ERBB4: variants seen among roughly 807,000 people sequenced by gnomAD.
ERBB4 encodes receptor tyrosine-protein kinase erbB-4.
A neutral mutation model predicts 158.0 loss-of-function variants in ERBB4; 42 were observed. The ratio of observed to expected loss-of-function variants is 0.27; its 90% CI spans 0.21 to 0.34. ERBB4 has a LOEUF of 0.34. Among genes scored for constraint, ERBB4 ranks in the 10% least tolerant of loss-of-function variants. The pLI is 1.00. For missense variants in ERBB4, 1,333 were observed against 1,624.1 expected, an observed-to-expected ratio of 0.82 and a Z score of 3.08; for synonymous variants, 583 against 558.7, an observed-to-expected ratio of 1.04 and a Z score of -0.61.
intron 1 of ERBB4, among the ~76,000 whole-genome samples, chr2:212,226,927 T>A (rs554612525): frequency 5.9e-5 from 9 of 152,066 alleles, no homozygotes; most frequent in African/African-American, 2.2e-4. Flanking sequence ...AGTTCCCACA[T>A]GGAAATGGAG....
intron 4 of ERBB4, among the ~76,000 whole-genome samples, chr2:211,753,854 AT>A (rs1047804300): frequency 0.043 from 5,268 of 121,164 alleles, 100 homozygotes; most frequent in African/African-American, 0.11. Flanking sequence ...AAAAGTCCTG[AT>A]TTTTTTTTTT....
chr2:212,150,776 T>C (rs1477341012), intron 1 of ERBB4, among the ~76,000 whole-genome samples: 2 of 152,196 alleles, frequency 1.3e-5, no homozygotes, highest in Admixed American at 6.5e-5. Context: ...TCATGCCTAA[T>C]TATCATGCAG....
chr2:211,960,985 G>T (rs2081166059), intron 2 of ERBB4, among the ~76,000 whole-genome samples: 1 of 151,964 alleles, frequency 6.6e-6, no homozygotes, highest in African/African-American at 2.4e-5. Context: ...ATAATAATAG[G>T]TGAAACTGAG....
intron 1 of ERBB4, among the ~76,000 whole-genome samples, chr2:212,436,207 A>G (rs908509302): frequency 3.9e-5 from 6 of 151,962 alleles, no homozygotes; most frequent in Admixed American, 2.6e-4. Flanking sequence ...TAAATAAAAA[A>G]CCTCAGAAAA....
At chr2:212,331,507 CAT>C (rs1048747678) in intron 1 of ERBB4, among the ~76,000 whole-genome samples, 3 of 151,840 alleles carry the variant, frequency 2.0e-5, no homozygotes, top group African/African-American at 4.8e-5. Context: ...GTTTTTATAT[CAT>C]AAAACTAGAA....
intron 1 of ERBB4, among the ~76,000 whole-genome samples, chr2:212,521,773 T>G (rs73989034): frequency 0.024 from 3,639 of 152,060 alleles, 151 homozygotes; most frequent in African/African-American, 0.083. Context: ...ACTCACATGG[T>G]GGACTCAAAC....
chr2:211,545,583 GT>G, intron 20 of ERBB4, among the ~76,000 whole-genome samples: 1 of 152,086 alleles, frequency 6.6e-6, no homozygotes, highest in African/African-American at 2.4e-5. Flanking sequence ...GCTCAACTCA[GT>G]CTGGCATTTA....
chr2:212,445,103 G>A (rs547989242), intron 1 of ERBB4, among the ~76,000 whole-genome samples: 1 of 152,042 alleles, frequency 6.6e-6, no homozygotes, highest in African/African-American at 2.4e-5. Context: ...GTCTTACCAT[G>A]TTCCCCAGCA....
intron 1 of ERBB4, among the ~76,000 whole-genome samples, chr2:212,395,614 C>CTTTTTTTTT (rs760604732): frequency 1.2e-5 from 1 of 84,734 alleles, no homozygotes; most frequent in African/African-American, 5.1e-5. Context: ...CAGTTACACT[C>CTTTTTTTTT]TTTTTTTTTT....
chr2:211,383,486 C>T lies in ERBB4; in HGVS notation c.*129G>A. On this transcript the variant is annotated 3_prime_UTR_variant, in exon 28 of 28. Coordinates refer to ENST00000342788, the MANE Select transcript of ERBB4 (RefSeq NM_005235.3). ...GGTAAGCACATAACTATCATTGCAT[C>T]TCTGTATCTTCCACTGGGAAGTGTC... 2.7e-6 allele frequency: 2 copies of T among 738,034 alleles called. No individual in the cohort carries two copies. Among genetic ancestry groups the T allele is most frequent in the East Asian group, 5.2e-5 (2 of 38,274 alleles). 45.7% of individuals were successfully genotyped at this position (738,034 alleles called of 1,614,324 possible). A position where few individuals can be genotyped will look rare whatever the true frequency, so the allele number is the denominator to read the frequency against.
chr2:212,190,550 A>AAAG (rs1553587259), intron 1 of ERBB4, among the ~76,000 whole-genome samples: 2,352 of 146,872 alleles, frequency 0.016, 50 homozygotes, highest in African/African-American at 0.032. Flanking sequence ...AAAAAAAAAA[A>AAAG]AAGAAGAAGA....
intron 12 of ERBB4, among the ~76,000 whole-genome samples, chr2:211,692,168 A>G (rs2072847556): frequency 6.6e-6 from 1 of 152,210 alleles, no homozygotes; most frequent in Non-Finnish European, 1.5e-5. Context: ...TGCTCTTAGC[A>G]TATGCCTGCC....
chr2:211,781,252 T>G (rs535228108), intron 4 of ERBB4, among the ~76,000 whole-genome samples: 1 of 152,202 alleles, frequency 6.6e-6, no homozygotes, highest in African/African-American at 2.4e-5. Context: ...AGTGGGTCAT[T>G]ACTATGATAT....
intron 1 of ERBB4, among the ~76,000 whole-genome samples, chr2:212,436,970 A>G (rs920373099): frequency 6.6e-6 from 1 of 152,012 alleles, no homozygotes; most frequent in Non-Finnish European, 1.5e-5. Flanking sequence ...GAGACTAGGT[A>G]AACCAGAGGA....
At chr2:211,397,543 T>C (rs2062946378) in intron 25 of ERBB4, among the ~76,000 whole-genome samples, 1 of 152,156 alleles carries the variant, frequency 6.6e-6, no homozygotes, top group African/African-American at 2.4e-5. Context: ...AGCTAGTTAC[T>C]AACAGGCCTA....
At chr2:211,695,818 T>C (rs1026043663) in intron 12 of ERBB4, among the ~76,000 whole-genome samples, 3 of 152,216 alleles carry the variant, frequency 2.0e-5, no homozygotes, top group Non-Finnish European at 2.9e-5. Flanking sequence ...AAATTAAATA[T>C]TGTATCTTCA....
At chr2:212,204,749 A>G (rs975100530) in intron 1 of ERBB4, among the ~76,000 whole-genome samples, 1 of 151,952 alleles carries the variant, frequency 6.6e-6, no homozygotes, top group African/African-American at 2.4e-5. Context: ...TCCAGAAATA[A>G]GATTAACATC....
intron 20 of ERBB4, among the ~76,000 whole-genome samples, chr2:211,557,284 G>C (rs375676780): frequency 6.6e-6 from 1 of 152,140 alleles, no homozygotes; most frequent in South Asian, 2.1e-4. Context: ...TTAAATCAAA[G>C]AGCTTCTTCA....
intron 1 of ERBB4, among the ~76,000 whole-genome samples, chr2:212,400,612 T>G (rs2091174968): frequency 6.6e-6 from 1 of 152,178 alleles, no homozygotes; most frequent in Non-Finnish European, 1.5e-5. Flanking sequence ...GAATAGATTT[T>G]TCTTATTATG....
Sources: gnomAD v4.1 joint callset for allele counts (sites outside exome capture counted in the v4.1 genomes callset) on GRCh38, gnomAD v4.1.1 for gene constraint, MANE v1.5 for transcripts, NCBI Gene and HGNC (gene_info 2026-07-23, HGNC 2026-07-21) for gene names.